SMIM14: variants seen among roughly 807,000 people sequenced by gnomAD.
SMIM14 encodes the protein small integral membrane protein 14.
A neutral mutation model predicts 12.6 loss-of-function variants in SMIM14; 5 were observed. The observed-to-expected ratio is 0.40, with a 90% CI of 0.21 to 0.83. The LOEUF (loss-of-function observed/expected upper bound fraction) is 0.83. SMIM14 is among the 40% of genes least tolerant of loss of function. The pLI is 0.37. For missense variants in SMIM14, 86 were observed against 119.1 expected, an observed-to-expected ratio of 0.72 and a Z score of 1.29; for synonymous variants, 30 against 40.1, an observed-to-expected ratio of 0.75 and a Z score of 0.95.
chr4:39,592,423 T>C (rs892534957), intron 2 of SMIM14, among the ~76,000 whole-genome samples: 4 of 152,120 alleles, frequency 2.6e-5, no homozygotes, highest in African/African-American at 7.2e-5. Context: ...CTAAAACTTA[T>C]ATATAACCAG....
intron 1 of SMIM14, among the ~76,000 whole-genome samples, chr4:39,612,500 G>A (rs1195167138): frequency 6.6e-6 from 1 of 152,194 alleles, no homozygotes; most frequent in Non-Finnish European, 1.5e-5. Context: ...TACTGTGTTG[G>A]TTAAAATGAA....
At chr4:39,554,810 G>A (rs138138792) in intron 4 of SMIM14, among the ~76,000 whole-genome samples, 154 of 150,416 alleles carry the variant, frequency 1.0e-3, no homozygotes, top group African/African-American at 3.6e-3. Flanking sequence ...CTAAATAGAG[G>A]TAACTGGCAA....
At chr4:39,596,325 C>A (rs1168796732) in intron 2 of SMIM14, among the ~76,000 whole-genome samples, 1 of 152,126 alleles carries the variant, frequency 6.6e-6, no homozygotes, top group Non-Finnish European at 1.5e-5. Context: ...GAACTCCCGA[C>A]CTCAGGTGAT....
intron 2 of SMIM14, among the ~76,000 whole-genome samples, chr4:39,603,654 A>T (rs986862802): frequency 5.3e-5 from 8 of 152,190 alleles, no homozygotes; most frequent in African/African-American, 1.9e-4. Context: ...CGACTCAATG[A>T]GACTATTCAA....
At chr4:39,588,187 GT>G (rs982201606) in intron 2 of SMIM14, 1 of 152,050 alleles carries the variant, frequency 6.6e-6, no homozygotes, top group African/African-American at 2.4e-5. Context: ...ATGAATGGTT[GT>G]TCTATGGAAC....
At chr4:39,588,201 A>C (rs980211743) in intron 2 of SMIM14, 1 of 152,158 alleles carries the variant, frequency 6.6e-6, no homozygotes, top group African/African-American at 2.4e-5. Flanking sequence ...TATGGAACTA[A>C]GTTTTGGGGA....
At chr4:39,590,172 G>C (rs921279343) in intron 2 of SMIM14, among the ~76,000 whole-genome samples, 36 of 152,076 alleles carry the variant, frequency 2.4e-4, no homozygotes, top group African/African-American at 8.7e-4. Flanking sequence ...CCAGCACTTT[G>C]GGGGGCCAAG....
chr4:39,559,021 A>C (rs1458865665), intron 3 of SMIM14, among the ~76,000 whole-genome samples: 1 of 152,146 alleles, frequency 6.6e-6, no homozygotes, highest in African/African-American at 2.4e-5. Flanking sequence ...GTTTCTTATA[A>C]AAGCATTTTG....
intron 2 of SMIM14, among the ~76,000 whole-genome samples, chr4:39,577,372 TC>T (rs1158326923): frequency 1.3e-5 from 2 of 151,960 alleles, no homozygotes; most frequent in Non-Finnish European, 2.9e-5. Flanking sequence ...ATTATGCCTT[TC>T]AGTAGAAAAG....
intron 3 of SMIM14, among the ~76,000 whole-genome samples, chr4:39,566,086 C>T (rs1327670792): frequency 6.6e-6 from 1 of 150,826 alleles, no homozygotes; most frequent in African/African-American, 2.4e-5. Flanking sequence ...CTAATACAGA[C>T]AGTTAAGAAC....
intron 3 of SMIM14, among the ~76,000 whole-genome samples, chr4:39,568,824 C>T (rs1369653055): frequency 2.6e-5 from 4 of 151,992 alleles, no homozygotes; most frequent in Non-Finnish European, 4.4e-5. Flanking sequence ...TACTGTTTAA[C>T]CATTTAAAAG....
chr4:39,629,080 T>C (rs1715812555), intron 1 of SMIM14, among the ~76,000 whole-genome samples: 1 of 150,484 alleles, frequency 6.6e-6, no homozygotes, highest in South Asian at 2.1e-4. Context: ...TAACAGAAAA[T>C]ATAAAAATTC....
At chr4:39,622,273 G>A (rs1560308546) in intron 1 of SMIM14, among the ~76,000 whole-genome samples, 2 of 151,602 alleles carry the variant, frequency 1.3e-5, no homozygotes, top group Non-Finnish European at 2.9e-5. Flanking sequence ...TAGTAGAGAC[G>A]GGGTTTCACT....
At chr4:39,567,419 C>A (rs1289375174) in intron 3 of SMIM14, among the ~76,000 whole-genome samples, 1 of 151,938 alleles carries the variant, frequency 6.6e-6, no homozygotes, top group Non-Finnish European at 1.5e-5. Flanking sequence ...GCCTGGGCAA[C>A]ATGCAAAACC....
At chr4:39,599,133 AT>A (rs1714495134) in intron 2 of SMIM14, among the ~76,000 whole-genome samples, 1 of 152,120 alleles carries the variant, frequency 6.6e-6, no homozygotes, top group African/African-American at 2.4e-5. Context: ...TCCCTTCAGG[AT>A]TTTGAAGCCA....
chr4:39,549,752 G>C lies in SMIM14; in HGVS notation c.*2374C>G, dbSNP rs2109972470. On this transcript the variant is annotated 3_prime_UTR_variant, in exon 5 of 5. Coordinates refer to ENST00000295958, the MANE Select transcript of SMIM14 (RefSeq NM_174921.3). ...CTATAGGGATTTAGCTCCATCTTAA[G>C]CCATTCTGGCCCTTTCTGCTCTACT... 6.6e-6 allele frequency: 1 copy of C among 152,306 alleles called. No individual in the cohort carries two copies. The highest frequency in any genetic ancestry group is 1.5e-5 in the Non-Finnish European group (1 of 68,024). The allele number at this position is 152,306 out of a possible 1,614,324, so 9.4% of individuals were successfully genotyped here.
At chr4:39,617,107 GTAAA>G (rs896711623) in intron 1 of SMIM14, among the ~76,000 whole-genome samples, 78 of 152,128 alleles carry the variant, frequency 5.1e-4, no homozygotes, top group African/African-American at 1.5e-3. Flanking sequence ...ATATGAATGT[GTAAA>G]TATTTACATA....
intron 1 of SMIM14, among the ~76,000 whole-genome samples, chr4:39,625,209 C>T (rs1432592178): frequency 1.1e-4 from 13 of 118,738 alleles, no homozygotes; most frequent in Non-Finnish European, 1.8e-4. Context: ...CAGGGTGAGA[C>T]ATCATCTCAA....
In SMIM14 at chr4:39,568,754, A is replaced by G. The variant is rs189201457; in HGVS notation, c.124+3661T>C. Among the ~76,000 whole-genome samples the G allele has an allele frequency of 1.5e-4, 23 of 152,348 alleles. No homozygotes were observed. In the East Asian group the frequency reaches 3.9e-3, roughly 26 times the overall value. On this transcript the variant is annotated intron_variant, in intron 3 of 4. Coordinates refer to ENST00000295958, the MANE Select transcript of SMIM14 (RefSeq NM_174921.3). ...TGTTTTATTATTTTAAGAAAAAAGT[A>G]TAAGCTCACTGGAGAAAATTTAGAA... is the stretch of plus-strand genomic sequence containing the variant.
Sources: gnomAD v4.1 joint callset for allele counts (sites outside exome capture counted in the v4.1 genomes callset) on GRCh38, gnomAD v4.1.1 for gene constraint, MANE v1.5 for transcripts, NCBI Gene and HGNC (gene_info 2026-07-23, HGNC 2026-07-21) for gene names.